DIP2C: variants seen among roughly 807,000 people sequenced by gnomAD.
The protein encoded by DIP2C is disco-interacting protein 2 homolog C.
In DIP2C, 33 loss-of-function variants were observed where a neutral mutation model predicts 192.4. The ratio of observed to expected loss-of-function variants is 0.17; its 90% CI spans 0.13 to 0.23. DIP2C has a LOEUF of 0.23. Ranked by LOEUF, DIP2C falls within the 10% of genes least tolerant of loss-of-function variation. The pLI, the probability that DIP2C is intolerant of heterozygous loss-of-function variation, is 1.00. For synonymous variants in DIP2C, 979 were observed against 864.1 expected (o/e 1.13, Z -2.33); for missense variants, 1,537 against 2,110.1 (o/e 0.73, Z 5.32).
intron 30 of DIP2C, 45 bp downstream of exon 30, chr10:329,388 C>G (rs776821115): frequency 6.4e-7 from 1 of 1,567,484 alleles, no homozygotes; most frequent in Non-Finnish European, 8.6e-7. Context: ...AGAAAGGAGT[C>G]CCTGTGGGCT....
intron 27 of DIP2C, 36 bp downstream of exon 27, chr10:344,963 C>T (rs777309378): frequency 2.0e-5 from 32 of 1,606,052 alleles, no homozygotes; most frequent in South Asian, 8.9e-5. Flanking sequence ...TGAGCAAGGC[C>T]GTGAGCAAAC....
In DIP2C at chr10:356,560, C is replaced by T. The variant is rs563301051; in HGVS notation, c.2905-54G>A. On this transcript the variant is annotated intron_variant, in intron 23 of 36. Transcript: ENST00000280886. ...GGCTGTGCGGTTGGATCAGGCTGTG[C>T]GGGCTGAGGTGGGGCAACCTGGATA... 91 of 1,525,500 alleles carry T rather than the reference C, an allele frequency of 6.0e-5. No homozygotes were observed. The South Asian group carries it at 6.9e-4, about 12-fold the overall frequency. The allele number at this position is 1,525,500 out of a possible 1,614,324, so 94.5% of individuals were successfully genotyped here. A position where few individuals can be genotyped will look rare whatever the true frequency, so the allele number is the denominator to read the frequency against.
In DIP2C at chr10:542,629, C is replaced by CT. The variant is rs779761344; in HGVS notation, c.86-56100dup. Among the ~76,000 whole-genome samples the CT allele has an allele frequency of 3.9e-5, 6 of 152,342 alleles. No homozygotes were observed. In the East Asian group the frequency reaches 7.7e-4, roughly 20 times the overall value. On this transcript the variant is annotated intron_variant, in intron 1 of 36. Transcript: ENST00000280886. ...GGAATGGAGGGTTCTAACCCTGCCC[C>CT]TCTCTATACCACAGATCATCAGATC...
intron 6 of DIP2C, among the ~76,000 whole-genome samples, chr10:418,351 C>T (rs1245770586): frequency 6.6e-6 from 1 of 152,226 alleles, no homozygotes; most frequent in East Asian, 1.9e-4. Flanking sequence ...TGATAGGCCT[C>T]CCTGTCCGCC....
At chr10:382,045 C>T (rs1300653225) in intron 17 of DIP2C, among the ~76,000 whole-genome samples, 1 of 152,188 alleles carries the variant, frequency 6.6e-6, no homozygotes, top group Non-Finnish European at 1.5e-5. Flanking sequence ...GACGGCTCCA[C>T]TTAGGTAAAA....
intron 3 of DIP2C, among the ~76,000 whole-genome samples, chr10:444,068 G>A (rs967435632): frequency 5.9e-5 from 9 of 152,346 alleles, no homozygotes; most frequent in Admixed American, 2.0e-4. Flanking sequence ...TTCATGAGGC[G>A]TGTTCACTGG....
chr10:277,214 A>T lies in DIP2C; in HGVS notation c.*111T>A. 1 of 1,491,914 alleles carries T rather than the reference A, an allele frequency of 6.7e-7. No homozygotes were observed. The highest frequency in any genetic ancestry group is 9.0e-7 in the Non-Finnish European group (1 of 1,109,562). The allele number at this position is 1,491,914 out of a possible 1,614,324, so 92.4% of individuals were successfully genotyped here. A position where few individuals can be genotyped will look rare whatever the true frequency, so the allele number is the denominator to read the frequency against. ...CTCCTCCTCTTCCTCCTCCACTCTCACCACAAATGGCTGTATTCTGGTGAG... is the reference window on the plus strand; with the variant it reads ...CTCCTCCTCTTCCTCCTCCACTCTCTCCACAAATGGCTGTATTCTGGTGAG... On this transcript the variant is annotated 3_prime_UTR_variant, in exon 37 of 37. Coordinates refer to ENST00000280886, the MANE Select transcript of DIP2C (RefSeq NM_014974.3).
chr10:385,757 T>C (rs1217916008), intron 14 of DIP2C, among the ~76,000 whole-genome samples: 1 of 152,104 alleles, frequency 6.6e-6, no homozygotes, highest in Non-Finnish European at 1.5e-5. Flanking sequence ...GCAGGCTGTG[T>C]GGCGGGCTAG....
chr10:405,899 C>G (rs1330225404), intron 9 of DIP2C, among the ~76,000 whole-genome samples: 3 of 152,180 alleles, frequency 2.0e-5, no homozygotes, highest in African/African-American at 7.2e-5. Flanking sequence ...GGAACCCGCC[C>G]AAGAGCTACC....
At chr10:672,002 CACGG>C (rs1830669991) in intron 1 of DIP2C, among the ~76,000 whole-genome samples, 1 of 146,252 alleles carries the variant, frequency 6.8e-6, no homozygotes, top group Non-Finnish European at 1.5e-5. Context: ...GCCATAGACG[CACGG>C]ACGGAGGAAA....
chr10:320,906 G>C (rs1025431484), intron 31 of DIP2C, among the ~76,000 whole-genome samples: 1 of 152,252 alleles, frequency 6.6e-6, no homozygotes, highest in Middle Eastern at 3.2e-3. Flanking sequence ...AGAGGAAAGA[G>C]AGCACCGCAG....
intron 1 of DIP2C, among the ~76,000 whole-genome samples, chr10:644,339 T>C (rs1241640436): frequency 6.6e-6 from 1 of 152,274 alleles, no homozygotes; most frequent in East Asian, 1.9e-4. Flanking sequence ...CAACTCTGTT[T>C]AGTGAATTGT....
chr10:540,910 ACAG>A (rs1041920280), intron 1 of DIP2C, among the ~76,000 whole-genome samples: 3 of 152,342 alleles, frequency 2.0e-5, no homozygotes, highest in Non-Finnish European at 4.4e-5. Flanking sequence ...TGCATTAGAC[ACAG>A]CAGCCGTGAT....
At chr10:533,438 T>A (rs1349592160) in intron 1 of DIP2C, among the ~76,000 whole-genome samples, 10 of 152,146 alleles carry the variant, frequency 6.6e-5, no homozygotes, top group African/African-American at 2.4e-4. Flanking sequence ...AAGGCTTGTT[T>A]CTCTCAAGGA....
chr10:484,849 C>T (rs769199499), intron 2 of DIP2C: 28 of 1,611,494 alleles, frequency 1.7e-5, no homozygotes, highest in African/African-American at 4.0e-5. Flanking sequence ...CGCAGCTTCT[C>T]GGACGTCGCA....
chr10:420,484 G>A (rs189282527), intron 5 of DIP2C, among the ~76,000 whole-genome samples: 9 of 152,316 alleles, frequency 5.9e-5, no homozygotes, highest in Non-Finnish European at 1.0e-4. Context: ...AGGCAGGCCC[G>A]ACTTCCTGCA....
At position 591,781 on chromosome 10, in the gene DIP2C, C is replaced by A. The variant is rs191747455; in HGVS notation, c.85+97713G>T. ...GGACCAACACAAAGGTACCACACCCCACACCCTCCTCTCCTTCCTTTTCAG... is the reference window on the plus strand; with the variant it reads ...GGACCAACACAAAGGTACCACACCCAACACCCTCCTCTCCTTCCTTTTCAG... On this transcript the variant is annotated intron_variant, in intron 1 of 36. Coordinates refer to ENST00000280886, the MANE Select transcript of DIP2C (RefSeq NM_014974.3). Among the ~76,000 whole-genome samples, 201 of 152,246 alleles carry A rather than the reference C, an allele frequency of 1.3e-3. 1 individual carries two copies. Among genetic ancestry groups the A allele is most frequent in the African/African-American group, 4.5e-3 (189 of 41,552 alleles).
At chr10:580,199 T>G (rs937625946) in intron 1 of DIP2C, among the ~76,000 whole-genome samples, 1 of 151,290 alleles carries the variant, frequency 6.6e-6, no homozygotes, top group Non-Finnish European at 1.5e-5. Context: ...TGTATACATA[T>G]GCACATATAT....
At chr10:309,715 A>C (rs1354631995) in intron 32 of DIP2C, among the ~76,000 whole-genome samples, 1 of 151,920 alleles carries the variant, frequency 6.6e-6, no homozygotes, top group Non-Finnish European at 1.5e-5. Flanking sequence ...CCCGCCACCA[A>C]ACCTGGGTAA....
Sources: allele counts gnomAD v4.1 joint callset (sites outside exome capture counted in the v4.1 genomes callset), GRCh38; gene constraint gnomAD v4.1.1; transcripts MANE v1.5; gene names NCBI Gene and HGNC (gene_info 2026-07-23, HGNC 2026-07-21).